Variants in RANGAP1 observed in about 807,000 individuals in gnomAD.
RANGAP1 encodes the protein Ran GTPase activating protein 1.
In RANGAP1, 38 loss-of-function variants were observed where a neutral mutation model predicts 63.5. The ratio of observed to expected loss-of-function variants is 0.60; its 90% CI spans 0.46 to 0.78. The LOEUF (loss-of-function observed/expected upper bound fraction) is 0.78, where lower values mean the gene tolerates loss of function less well. RANGAP1 is among the 30% of genes least tolerant of loss of function. The probability of loss-of-function intolerance (pLI) is 0.00; values close to 1 mark genes in which losing one functional copy is unlikely to be tolerated. For missense variants in RANGAP1, 630 were observed against 740.3 expected, an observed-to-expected ratio of 0.85 and a Z score of 1.73; for synonymous variants, 329 against 310.5, an observed-to-expected ratio of 1.06 and a Z score of -0.63.
intron 5 of RANGAP1, among the ~76,000 whole-genome samples, chr22:41,263,467 C>A (rs181250729): frequency 6.6e-6 from 1 of 152,326 alleles, no homozygotes; most frequent in Non-Finnish European, 1.5e-5. Flanking sequence ...TCACTGCAAC[C>A]TCCACCTCCC....
chr22:41,272,582 G>A (rs376216478), intron 3 of RANGAP1, among the ~76,000 whole-genome samples: 4 of 152,074 alleles, frequency 2.6e-5, no homozygotes, highest in African/African-American at 9.6e-5. Flanking sequence ...GGGCAGTGGC[G>A]TGATCTTGGC....
chr22:41,250,881 A>C, intron 13 of RANGAP1, 126 bp downstream of exon 13: 1 of 718,032 alleles, frequency 1.4e-6, no homozygotes. Context: ...GGAAAAACTC[A>C]GGTGGCCAAA....
intron 1 of RANGAP1, chr22:41,282,473 CCAT>C (rs903630764): frequency 6.6e-6 from 1 of 152,212 alleles, no homozygotes; most frequent in South Asian, 2.1e-4. Context: ...GCACCCACCA[CCAT>C]GTCCAGCTAA....
intron 5 of RANGAP1, 111 bp downstream of exon 5, chr22:41,264,553 G>A (rs1233762709): frequency 1.6e-5 from 21 of 1,342,574 alleles, no homozygotes; most frequent in Non-Finnish European, 1.9e-5. Flanking sequence ...TTTCTCTTTT[G>A]AAAACAACGG....
At chr22:41,285,051 G>C (rs1041491331) in intron 1 of RANGAP1, 1 of 152,188 alleles carries the variant, frequency 6.6e-6, no homozygotes, top group African/African-American at 2.4e-5. Flanking sequence ...CATGACTTGG[G>C]AGGTTGAGGT....
At chr22:41,284,327 G>A (rs1569216460) in intron 1 of RANGAP1, among the ~76,000 whole-genome samples, 1 of 152,158 alleles carries the variant, frequency 6.6e-6, no homozygotes, top group Non-Finnish European at 1.5e-5. Flanking sequence ...CAGCACTTTG[G>A]GAGGCTGAGG....
chr22:41,248,302 G>A (rs769824983), intron 15 of RANGAP1, among the ~76,000 whole-genome samples: 2 of 152,252 alleles, frequency 1.3e-5, no homozygotes, highest in African/African-American at 2.4e-5. Context: ...ACCAAGGCCA[G>A]TCCAGCTGCA....
chr22:41,276,207 A>C (rs1484939462), intron 2 of RANGAP1, among the ~76,000 whole-genome samples: 1 of 152,264 alleles, frequency 6.6e-6, no homozygotes, highest in African/African-American at 2.4e-5. Flanking sequence ...AGAAACATAG[A>C]AACCAAATGC....
chr22:41,247,398 C>T (rs911808153), intron 15 of RANGAP1, among the ~76,000 whole-genome samples: 5 of 152,182 alleles, frequency 3.3e-5, no homozygotes, highest in African/African-American at 1.2e-4. Flanking sequence ...GTTGCCCAGG[C>T]TGGAGTACAG....
upstream of RANGAP1, among the ~76,000 whole-genome samples, chr22:41,288,076 G>A (rs2035794721): frequency 6.6e-6 from 1 of 152,182 alleles, no homozygotes; most frequent in African/African-American, 2.4e-5. Flanking sequence ...CACAAGGGAA[G>A]TGGGCATCAT....
chr22:41,261,601 C>T, intron 5 of RANGAP1, 21 bp from the exon 6 acceptor site: 1 of 1,614,078 alleles, frequency 6.2e-7, no homozygotes, highest in South Asian at 1.1e-5. Flanking sequence ...AGGCAAGGGG[C>T]CCTGGTCATG....
chr22:41,277,945 CT>C (rs1255962291), intron 2 of RANGAP1, among the ~76,000 whole-genome samples: 20 of 152,084 alleles, frequency 1.3e-4, no homozygotes, highest in Middle Eastern at 3.4e-3. Flanking sequence ...CTGGGCACCC[CT>C]GGGGACTTAC....
chr22:41,246,386 G>A lies in RANGAP1; in HGVS notation c.*217C>T, dbSNP rs2033029795. 1.9e-6 allele frequency: 1 copy of A among 520,578 alleles called. No homozygotes were observed. Among genetic ancestry groups the A allele is most frequent in the African/African-American group, 1.9e-5 (1 of 51,730 alleles). The allele number at this position is 520,578 out of a possible 1,614,324, so 32.2% of individuals were successfully genotyped here. ...ACAACAGAGCAGGGCTGGGCCAGCA[G>A]AAGACGTTAAAACCCAAATCCCGAC... On this transcript the variant is annotated 3_prime_UTR_variant, in exon 16 of 16. Transcript: ENST00000356244.
chr22:41,271,221 C>A (rs1296038907), intron 3 of RANGAP1, among the ~76,000 whole-genome samples: 2 of 147,224 alleles, frequency 1.4e-5, no homozygotes, highest in Non-Finnish European at 3.0e-5. Context: ...AAGACCCCAT[C>A]ATTAAAAAAA....
At chr22:41,272,709 T>G (rs976100443) in intron 3 of RANGAP1, among the ~76,000 whole-genome samples, 5 of 152,094 alleles carry the variant, frequency 3.3e-5, no homozygotes, top group African/African-American at 9.7e-5. Context: ...TGAGATGGGA[T>G]TTCACCATGT....
rs2033017400 is a variant in RANGAP1 at position 41,246,233 on chromosome 22, CG to C, written c.*369del. ...CTGGGTTCTGGCTCCGCCAGGGAGCCGGGCCGGAAGGCAGGTGGGTGGGGAC... is the reference window on the plus strand; with the variant it reads ...CTGGGTTCTGGCTCCGCCAGGGAGCCGGCCGGAAGGCAGGTGGGTGGGGAC... On this transcript the variant is annotated 3_prime_UTR_variant, in exon 16 of 16. Coordinates refer to ENST00000356244, the MANE Select transcript of RANGAP1 (RefSeq NM_002883.4). 5.2e-6 allele frequency: 1 copy of C among 194,156 alleles called. No individual in the cohort carries two copies. Among genetic ancestry groups the C allele is most frequent in the African/African-American group, 2.3e-5 (1 of 42,626 alleles). 12.0% of individuals were successfully genotyped at this position (194,156 alleles called of 1,614,324 possible). A position where few individuals can be genotyped will look rare whatever the true frequency, so the allele number is the denominator to read the frequency against.
chr22:41,267,773 A>G (rs1179092196), intron 4 of RANGAP1, among the ~76,000 whole-genome samples: 2 of 152,186 alleles, frequency 1.3e-5, no homozygotes, highest in African/African-American at 4.8e-5. Flanking sequence ...GGTTGCCAGG[A>G]AAGGCGGGGC....
chr22:41,296,662 A>C, the RANGAP1 span, among the ~76,000 whole-genome samples: 95 of 152,052 alleles, frequency 6.2e-4, no homozygotes, highest in African/African-American at 1.9e-3. Context: ...AAAAAAAAAA[A>C]ACACACACAC....
chr22:41,270,879 T>G (rs1255539968), intron 3 of RANGAP1, among the ~76,000 whole-genome samples: 2 of 152,084 alleles, frequency 1.3e-5, no homozygotes, highest in Non-Finnish European at 2.9e-5. Context: ...CCACAGTCCC[T>G]CACAACAGAT....
Sources: allele counts gnomAD v4.1 joint callset (sites outside exome capture counted in the v4.1 genomes callset), GRCh38; gene constraint gnomAD v4.1.1; transcripts MANE v1.5; gene names NCBI Gene and HGNC (gene_info 2026-07-23, HGNC 2026-07-21).